The following CSMD1 variants were observed in gnomAD, a reference collection of about 807,000 sequenced individuals.
The protein encoded by CSMD1 is CUB and sushi domain-containing protein 1.
A neutral mutation model predicts 417.5 loss-of-function variants in CSMD1; 213 were observed. The ratio of observed to expected loss-of-function variants is 0.51; its 90% CI spans 0.46 to 0.57. CSMD1 has a LOEUF of 0.57. Among genes scored for constraint, CSMD1 ranks in the 20% least tolerant of loss-of-function variants. CSMD1 has a pLI of 0.00. For synonymous variants in CSMD1, 2,862 were observed against 1,736.8 expected (o/e 1.65, Z -16.11); for missense variants, 6,923 against 4,529.7 (o/e 1.53, Z -15.17).
At chr8:3,978,804 A>G (rs1813635376) in intron 5 of CSMD1, among the ~76,000 whole-genome samples, 2 of 152,028 alleles carry the variant, frequency 1.3e-5, no homozygotes, top group Admixed American at 1.3e-4. Flanking sequence ...TCCTTTCCGG[A>G]GACATCGGTG....
chr8:4,024,956 C>G (rs571201393), intron 4 of CSMD1, among the ~76,000 whole-genome samples: 1 of 152,210 alleles, frequency 6.6e-6, no homozygotes. Flanking sequence ...GAATCTTTGT[C>G]TGAAGTACGA....
intron 10 of CSMD1, among the ~76,000 whole-genome samples, chr8:3,555,203 G>C (rs1191839485): frequency 6.6e-6 from 1 of 151,554 alleles, no homozygotes; most frequent in Non-Finnish European, 1.5e-5. Context: ...AGGGAAAGAT[G>C]GACGGGAGCT....
chr8:2,993,496 G>A (rs980976658), intron 54 of CSMD1, among the ~76,000 whole-genome samples: 5 of 152,174 alleles, frequency 3.3e-5, no homozygotes, highest in East Asian at 1.9e-4. Flanking sequence ...AACTCTCAGC[G>A]TCTCCCAGAT....
Position 4,637,444 on chromosome 8 carries a change from C to G in CSMD1, c.200G>C (p.Arg67Pro). The G allele has an allele frequency of 6.2e-7, 1 of 1,613,712 alleles. No individual in the cohort carries two copies. Among genetic ancestry groups the G allele is most frequent in the South Asian group, 1.1e-5 (1 of 91,070 alleles). ...ATGGAAGGACAACTGTATCCTATTG[C>G]GCTCGCCCGTGATGATGATCCAGGT... ...NCTWIIITGE[R>P]NRIQLSFHTF... Residue 67 changes from arginine to proline, a missense_variant, in exon 2 of 70, where the codon CGC (arginine) becomes CCC (proline). Arg to Pro is a moderately radical substitution (Grantham distance 103). Coordinates refer to ENST00000635120, the MANE Select transcript of CSMD1 (RefSeq NM_033225.6).
intron 5 of CSMD1, among the ~76,000 whole-genome samples, chr8:3,769,921 T>A (rs73658243): frequency 0.014 from 2,084 of 152,348 alleles, 38 homozygotes; most frequent in African/African-American, 0.048. Flanking sequence ...CCTATTGCAA[T>A]ATTGCTCTTT....
intron 49 of CSMD1, among the ~76,000 whole-genome samples, chr8:3,062,328 T>A (rs1812641758): frequency 2.0e-5 from 3 of 152,126 alleles, no homozygotes; most frequent in South Asian, 4.1e-4. Flanking sequence ...CGGAGCCACC[T>A]CTCCACCCAC....
chr8:4,298,555 T>G (rs1188793861), intron 3 of CSMD1, among the ~76,000 whole-genome samples: 2 of 152,188 alleles, frequency 1.3e-5, no homozygotes, highest in Non-Finnish European at 2.9e-5. Context: ...AAATTGTACT[T>G]GTACCCAATG....
intron 10 of CSMD1, among the ~76,000 whole-genome samples, chr8:3,548,584 T>C (rs968836343): frequency 1.1e-4 from 16 of 151,076 alleles, no homozygotes; most frequent in African/African-American, 3.7e-4. Context: ...CTTAGAATAA[T>C]AGTCCCCAAT....
At chr8:3,607,830 G>A (rs1287784172) in intron 8 of CSMD1, among the ~76,000 whole-genome samples, 1 of 152,150 alleles carries the variant, frequency 6.6e-6, no homozygotes, top group African/African-American at 2.4e-5. Flanking sequence ...GGCTGGTGTT[G>A]GTGTGGCAGA....
At chr8:3,795,226 TATAG>T (rs374400128) in intron 5 of CSMD1, among the ~76,000 whole-genome samples, 1 of 103,100 alleles carries the variant, frequency 9.7e-6, no homozygotes, top group Admixed American at 1.1e-4. Flanking sequence ...CATGTACAGA[TATAG>T]ATATATATCT....
At chr8:4,786,869 T>A (rs10101808) in intron 1 of CSMD1, among the ~76,000 whole-genome samples, 1 of 152,104 alleles carries the variant, frequency 6.6e-6, no homozygotes, top group Non-Finnish European at 1.5e-5. Flanking sequence ...AAAATAGTAA[T>A]TATTTAAGTG....
At chr8:4,390,500 T>TTTTA (rs1554457295) in intron 3 of CSMD1, among the ~76,000 whole-genome samples, 1 of 61,490 alleles carries the variant, frequency 1.6e-5, no homozygotes, top group Non-Finnish European at 3.4e-5. Flanking sequence ...CGTCCATTTT[T>TTTTA]ATTTATTTAT....
chr8:3,549,555 G>A (rs1798821499), intron 10 of CSMD1, among the ~76,000 whole-genome samples: 1 of 152,170 alleles, frequency 6.6e-6, no homozygotes, highest in South Asian at 2.1e-4. Context: ...ATGGATGAAT[G>A]GATTAATGCA....
chr8:4,438,516 G>T (rs1353865656), intron 2 of CSMD1, among the ~76,000 whole-genome samples: 1 of 152,196 alleles, frequency 6.6e-6, no homozygotes, highest in African/African-American at 2.4e-5. Flanking sequence ...AGATGCAGGT[G>T]GAAGTCCCAC....
At chr8:4,211,282 C>G (rs1022026219) in intron 3 of CSMD1, among the ~76,000 whole-genome samples, 1 of 151,976 alleles carries the variant, frequency 6.6e-6, no homozygotes, top group Non-Finnish European at 1.5e-5. Flanking sequence ...AGATTGATCC[C>G]TTTTCTTTGG....
chr8:4,459,822 G>A (rs966682103), intron 2 of CSMD1, among the ~76,000 whole-genome samples: 11 of 152,152 alleles, frequency 7.2e-5, no homozygotes, highest in Admixed American at 7.2e-4. Flanking sequence ...GTGGTACTTT[G>A]TGTCACTGGG....
chr8:4,913,791 G>A (rs760392957), intron 1 of CSMD1, among the ~76,000 whole-genome samples: 3 of 152,132 alleles, frequency 2.0e-5, no homozygotes, highest in Admixed American at 1.3e-4. Flanking sequence ...CAAATTGCAC[G>A]CCAACCTTCC....
chr8:3,100,297 T>C (rs773567373), intron 46 of CSMD1, among the ~76,000 whole-genome samples: 2 of 152,198 alleles, frequency 1.3e-5, no homozygotes, highest in Non-Finnish European at 2.9e-5. Context: ...CAAGCAATCC[T>C]TCCACCTCAA....
rs192081937 is a variant in CSMD1, at chr8:3,658,856, C to T, written c.1010-42059G>A. ...TGGTTAATAACATTGAAGGTTTTCT[C>T]CTAATTCCAGGGGATGTTTCGAATG... is the stretch of plus-strand genomic sequence containing the variant. On this transcript the variant is annotated intron_variant, in intron 7 of 69. Coordinates refer to ENST00000635120, the MANE Select transcript of CSMD1 (RefSeq NM_033225.6). Among the ~76,000 whole-genome samples, 1,200 of 152,244 alleles carry T rather than the reference C, an allele frequency of 7.9e-3. 13 individuals are homozygous for T. Among genetic ancestry groups the T allele is most frequent in the African/African-American group, 0.024 (977 of 41,528 alleles).
Sources: allele counts gnomAD v4.1 joint callset (sites outside exome capture counted in the v4.1 genomes callset), GRCh38; gene constraint gnomAD v4.1.1; transcripts MANE v1.5; gene names NCBI Gene and HGNC (gene_info 2026-07-23, HGNC 2026-07-21).